Variants in CDH1 observed in about 807,000 individuals in gnomAD.
CDH1 encodes cadherin-1.
CDH1 carries 35 observed loss-of-function variants against 84.5 expected under a neutral mutation model. The ratio of observed to expected loss-of-function variants is 0.41; its 90% confidence interval spans 0.32 to 0.55. The LOEUF (loss-of-function observed/expected upper bound fraction) is 0.55. CDH1 is among the 20% of genes least tolerant of loss of function. The pLI is 0.19. For synonymous variants in CDH1, 417 were observed against 439.0 expected (o/e 0.95, Z 0.63); for missense variants, 994 against 1,126.6 (o/e 0.88, Z 1.68).
chr16:68,820,175 GGCA>G (rs1406319561), intron 11 of CDH1, among the ~76,000 whole-genome samples: 1 of 151,706 alleles, frequency 6.6e-6, no homozygotes, highest in Non-Finnish European at 1.5e-5. Flanking sequence ...CTCCATCCTG[GGCA>G]ACAGAGCAAG....
At chr16:68,740,960 GA>G (rs1184818924) in intron 2 of CDH1, among the ~76,000 whole-genome samples, 2 of 151,826 alleles carry the variant, frequency 1.3e-5, no homozygotes, top group African/African-American at 4.8e-5. Context: ...CAAAAACAAA[GA>G]AAAAAGGTGT....
chr16:68,751,283 C>A (rs1241213464), intron 2 of CDH1, among the ~76,000 whole-genome samples: 3 of 152,180 alleles, frequency 2.0e-5, no homozygotes, highest in African/African-American at 7.2e-5. Context: ...GTCCTCATCT[C>A]TTCCCACTCT....
intron 2 of CDH1, among the ~76,000 whole-genome samples, chr16:68,741,696 T>C (rs994503559): frequency 5.9e-5 from 9 of 152,160 alleles, no homozygotes; most frequent in East Asian, 3.9e-4. Flanking sequence ...GTTTTTGTTT[T>C]GAGACGGAGT....
At chr16:68,831,695 C>G (rs1167849810) in intron 15 of CDH1, among the ~76,000 whole-genome samples, 1 of 151,804 alleles carries the variant, frequency 6.6e-6, no homozygotes, top group Non-Finnish European at 1.5e-5. Context: ...ACCACTACCA[C>G]GCCCAGCTAC....
chr16:68,765,954 T>A (rs1959367808), intron 2 of CDH1, among the ~76,000 whole-genome samples: 1 of 152,138 alleles, frequency 6.6e-6, no homozygotes, highest in Non-Finnish European at 1.5e-5. Flanking sequence ...GTGTTTCACA[T>A]CACCCCTACT....
Position 68,801,650 on chromosome 16 carries a change from C to G in CDH1, c.164-20C>G. ...TTTAATCTGTCCAATTTCCTAATCT[C>G]TGTGATTTCTGCCCTGCAGTGAATT... On this transcript the variant is annotated intron_variant, in intron 2 of 15. Transcript: ENST00000261769. The G allele has an allele frequency of 6.3e-7, 1 of 1,595,152 alleles. No individual in the cohort carries two copies. Among genetic ancestry groups the G allele is most frequent in the Non-Finnish European group, 8.6e-7 (1 of 1,162,718 alleles).
intron 2 of CDH1, among the ~76,000 whole-genome samples, chr16:68,784,035 T>C (rs1333046964): frequency 1.3e-5 from 2 of 152,188 alleles, no homozygotes; most frequent in Non-Finnish European, 2.9e-5. Context: ...CATTGATTTA[T>C]CCAGCCCTCT....
rs528647212 is a variant in CDH1 at position 68,793,778 on chromosome 16, A to G, written c.164-7892A>G. ...ATGGTGGCGCATGCCTGTAATCCCA[A>G]CTACTTGGGAGGCTGAGGCAGGAGA... On this transcript the variant is annotated intron_variant, in intron 2 of 15. Transcript: ENST00000261769. Among the ~76,000 whole-genome samples the G allele has an allele frequency of 7.0e-4, 106 of 152,182 alleles. 1 individual carries two copies. Among genetic ancestry groups the G allele is most frequent in the African/African-American group, 2.4e-3 (99 of 41,526 alleles).
chr16:68,766,475 G>A (rs768786648), intron 2 of CDH1, among the ~76,000 whole-genome samples: 14 of 152,042 alleles, frequency 9.2e-5, no homozygotes, highest in South Asian at 2.1e-4. Flanking sequence ...CTTGTCTTCC[G>A]GTCAATGTTT....
chr16:68,743,352 TTTCTTTC>T (rs759557702), intron 2 of CDH1, among the ~76,000 whole-genome samples: 13,968 of 62,670 alleles, frequency 0.22, 2,207 homozygotes, highest in South Asian at 0.25. Context: ...TCTTTCTTTC[TTTCTTTC>T]TTTCTTTTCT....
intron 2 of CDH1, among the ~76,000 whole-genome samples, chr16:68,798,700 G>A (rs1049193611): frequency 6.6e-6 from 1 of 152,170 alleles, no homozygotes; most frequent in Non-Finnish European, 1.5e-5. Flanking sequence ...CTGGAGAAAG[G>A]AATTCAGTGC....
At chr16:68,822,308 TTC>T (rs1961177175) in intron 12 of CDH1, 83 bp downstream of exon 12, 2 of 915,402 alleles carry the variant, frequency 2.2e-6, no homozygotes, top group South Asian at 2.7e-5. Flanking sequence ...TCAATTTCCC[TTC>T]TCAACTTCTA....
chr16:68,791,966 G>A (rs1960220123), intron 2 of CDH1, among the ~76,000 whole-genome samples: 1 of 152,056 alleles, frequency 6.6e-6, no homozygotes, highest in Non-Finnish European at 1.5e-5. Context: ...TGTTGCCCAG[G>A]CTGGAGTGCA....
At chr16:68,821,490 AT>A (rs1189166885) in intron 11 of CDH1, among the ~76,000 whole-genome samples, 1 of 150,126 alleles carries the variant, frequency 6.7e-6, no homozygotes, top group Non-Finnish European at 1.5e-5. Flanking sequence ...AAAAAAGCGT[AT>A]GTGAACTCCC....
In CDH1 at chr16:68,817,807, T is replaced by C. The variant is rs1025048339; in HGVS notation, c.1566-1473T>C. 5.3e-5 allele frequency among the ~76,000 whole-genome samples: 8 copies of C among 152,264 alleles called. No homozygotes were observed. In the East Asian group the frequency reaches 5.8e-4, roughly 11 times the overall value. ...AAAAGAAAGACCTAAGGAAGAGCCA[T>C]GCCAACGAAAGGCCATATTGGATCC... On this transcript the variant is annotated intron_variant, in intron 10 of 15. Coordinates refer to ENST00000261769, the MANE Select transcript of CDH1 (RefSeq NM_004360.5).
At chr16:68,813,991 C>T (rs567632476) in intron 9 of CDH1, among the ~76,000 whole-genome samples, 11 of 152,136 alleles carry the variant, frequency 7.2e-5, no homozygotes, top group Admixed American at 2.0e-4. Flanking sequence ...AATCATAGCA[C>T]TTTGGGAGGC....
intron 2 of CDH1, among the ~76,000 whole-genome samples, chr16:68,797,434 G>C (rs527770836): frequency 1.3e-5 from 2 of 152,300 alleles, no homozygotes; most frequent in African/African-American, 4.8e-5. Context: ...TGTAATCCCA[G>C]CACTTTGGGA....
intron 2 of CDH1, among the ~76,000 whole-genome samples, chr16:68,739,237 A>G (rs1270016961): frequency 6.6e-6 from 1 of 151,354 alleles, no homozygotes; most frequent in Non-Finnish European, 1.5e-5. Flanking sequence ...ACATGGTGAA[A>G]CCCCATCTCT....
chr16:68,771,269 A>T (rs1399494528), intron 2 of CDH1, among the ~76,000 whole-genome samples: 1 of 152,144 alleles, frequency 6.6e-6, no homozygotes, highest in Non-Finnish European at 1.5e-5. Flanking sequence ...CCAGAATAGC[A>T]GCTAATGTGT....
Sources: gnomAD v4.1 joint callset for allele counts (sites outside exome capture counted in the v4.1 genomes callset) on GRCh38, gnomAD v4.1.1 for gene constraint, MANE v1.5 for transcripts, NCBI Gene and HGNC (gene_info 2026-07-23, HGNC 2026-07-21) for gene names.